Variants in SEC63 observed in about 807,000 individuals in gnomAD.
SEC63 encodes the protein translocation protein SEC63 homolog.
A neutral mutation model predicts 116.2 loss-of-function variants in SEC63; 56 were observed. The ratio of observed to expected loss-of-function variants is 0.48; its 90% CI spans 0.39 to 0.60. The LOEUF (loss-of-function observed/expected upper bound fraction) is 0.60, where lower values mean the gene tolerates loss of function less well. Among genes scored for constraint, SEC63 ranks in the 20% least tolerant of loss-of-function variants. SEC63 has a pLI of 0.00. For missense variants in SEC63, 668 were observed against 900.0 expected (o/e 0.74, Z 3.30); for synonymous variants, 273 against 294.6 (o/e 0.93, Z 0.75).
At chr6:107,918,182 G>C (rs1488684931) in intron 4 of SEC63, among the ~76,000 whole-genome samples, 3 of 151,668 alleles carry the variant, frequency 2.0e-5, no homozygotes, top group Non-Finnish European at 4.4e-5. Flanking sequence ...ACAAATCCTT[G>C]ATGACAGCAT....
rs928428454 is a variant in SEC63 at position 107,868,026 on chromosome 6, T to C, written c.*3678A>G. 6.6e-6 allele frequency: 1 copy of C among 152,176 alleles called. No individual in the cohort carries two copies. Among genetic ancestry groups the C allele is most frequent in the Admixed American group, 6.5e-5 (1 of 15,272 alleles). 9.4% of individuals were successfully genotyped at this position (152,176 alleles called of 1,614,324 possible). The stretch of plus-strand genomic sequence containing the variant: ...AAATATGTACAAGATCGCATCTTTT[T>C]AAGTTTTGCAAAATAGCCCTAGCAT... On this transcript the variant is annotated 3_prime_UTR_variant, in exon 21 of 21. Coordinates refer to ENST00000369002, the MANE Select transcript of SEC63 (RefSeq NM_007214.5).
intron 7 of SEC63, chr6:107,911,090 T>G (rs964680237): frequency 2.1e-6 from 1 of 481,642 alleles, no homozygotes; most frequent in Non-Finnish European, 3.7e-6. Flanking sequence ...ATTAAAAGTA[T>G]AGTTATATAA....
At chr6:107,889,849 A>G (rs994899190) in intron 16 of SEC63, among the ~76,000 whole-genome samples, 4 of 152,190 alleles carry the variant, frequency 2.6e-5, no homozygotes, top group Non-Finnish European at 5.9e-5. Flanking sequence ...CCCAGTAGTC[A>G]TTCAGGAGCA....
At chr6:107,914,680 A>T (rs1020998817) in intron 4 of SEC63, among the ~76,000 whole-genome samples, 1 of 152,150 alleles carries the variant, frequency 6.6e-6, no homozygotes, top group East Asian at 1.9e-4. Flanking sequence ...AAATTGAGGG[A>T]TGTTTCTCAA....
At chr6:107,883,424 A>G (rs192696014) in intron 16 of SEC63, 165 of 374,136 alleles carry the variant, frequency 4.4e-4, no homozygotes, top group Admixed American at 1.7e-3. Flanking sequence ...AAGCCCAATA[A>G]CACAAAGGCT....
Position 107,922,567 on chromosome 6 carries a change from C to T in SEC63, c.340-658G>A, listed in dbSNP as rs139006109. Reference sequence around the variant, plus strand: ...AATAATCACAATAAATTAAATCTGGCTCAAAGAATCCTCAAATCAAAGGTT... The same window carrying T: ...AATAATCACAATAAATTAAATCTGGTTCAAAGAATCCTCAAATCAAAGGTT... On this transcript the variant is annotated intron_variant, in intron 3 of 20. Coordinates refer to ENST00000369002, the MANE Select transcript of SEC63 (RefSeq NM_007214.5). Among the ~76,000 whole-genome samples, 756 of 152,158 alleles carry T rather than the reference C, an allele frequency of 5.0e-3. 3 individuals carry two copies. The highest frequency in any genetic ancestry group is 9.0e-3 in the Non-Finnish European group (611 of 67,988).
intron 14 of SEC63, 43 bp downstream of exon 14, chr6:107,897,606 A>T: frequency 7.8e-7 from 1 of 1,274,442 alleles, no homozygotes; most frequent in Non-Finnish European, 1.1e-6. Flanking sequence ...AAAAGCCTTG[A>T]CACACAACTC....
At chr6:107,941,285 C>T (rs1029497180) in intron 1 of SEC63, among the ~76,000 whole-genome samples, 7 of 151,970 alleles carry the variant, frequency 4.6e-5, no homozygotes, top group Non-Finnish European at 1.0e-4. Context: ...GACCTCATCA[C>T]TACAAAAAAA....
intron 19 of SEC63, among the ~76,000 whole-genome samples, chr6:107,874,899 C>T (rs1482635693): frequency 6.6e-6 from 1 of 152,148 alleles, no homozygotes; most frequent in African/African-American, 2.4e-5. Flanking sequence ...AAAACTGTAA[C>T]AGACATTAGT....
At chr6:107,880,161 T>C (rs1786379340) in intron 18 of SEC63, among the ~76,000 whole-genome samples, 1 of 152,250 alleles carries the variant, frequency 6.6e-6, no homozygotes, top group South Asian at 2.1e-4. Flanking sequence ...GATGGAATCC[T>C]GGGCAGACTT....
intron 7 of SEC63, 35 bp downstream of exon 7, chr6:107,911,311 C>CAA: frequency 6.9e-7 from 1 of 1,453,714 alleles, no homozygotes; most frequent in Non-Finnish European, 9.6e-7. Flanking sequence ...ATCTCCTTTC[C>CAA]AAAAAAAACA....
At chr6:107,899,545 G>A (rs988044586) in intron 13 of SEC63, among the ~76,000 whole-genome samples, 42 of 151,688 alleles carry the variant, frequency 2.8e-4, no homozygotes, top group African/African-American at 9.2e-4. Flanking sequence ...GTGAAACTCC[G>A]TCTCTACTAA....
At chr6:107,954,168 C>G (rs2114524626) in intron 1 of SEC63, among the ~76,000 whole-genome samples, 1 of 152,160 alleles carries the variant, frequency 6.6e-6, no homozygotes, top group Admixed American at 6.5e-5. Context: ...TGACCCTACC[C>G]CCAACCCTGT....
chr6:107,918,881 G>A (rs969300266), intron 4 of SEC63, among the ~76,000 whole-genome samples: 9 of 149,664 alleles, frequency 6.0e-5, no homozygotes, highest in African/African-American at 1.5e-4. Context: ...AACATCAAGA[G>A]GAGTTTGGTA....
chr6:107,916,315 G>A (rs947279365), intron 4 of SEC63, among the ~76,000 whole-genome samples: 31 of 152,310 alleles, frequency 2.0e-4, no homozygotes, highest in African/African-American at 7.0e-4. Context: ...CAACTGCTAC[G>A]CAGAAAATGT....
intron 1 of SEC63, among the ~76,000 whole-genome samples, chr6:107,948,371 G>A (rs903969745): frequency 1.3e-5 from 2 of 152,158 alleles, no homozygotes; most frequent in Non-Finnish European, 2.9e-5. Context: ...CCTCCTCTAG[G>A]ACGCAGTTTT....
intron 17 of SEC63, 45 bp downstream of exon 17, chr6:107,882,943 G>T (rs772318924): frequency 7.9e-7 from 1 of 1,272,086 alleles, no homozygotes; most frequent in South Asian, 1.2e-5. Flanking sequence ...TATCATCAGA[G>T]ATATAATTCC....
chr6:107,898,905 C>G (rs1786928829), intron 13 of SEC63, among the ~76,000 whole-genome samples: 1 of 152,220 alleles, frequency 6.6e-6, no homozygotes, highest in South Asian at 2.1e-4. Context: ...CTCCAATAAT[C>G]TGCAATTGCT....
At chr6:107,948,825 A>G (rs1770526524) in intron 1 of SEC63, among the ~76,000 whole-genome samples, 1 of 152,186 alleles carries the variant, frequency 6.6e-6, no homozygotes, top group Non-Finnish European at 1.5e-5. Flanking sequence ...GACCCTTCAC[A>G]AGATAATGTA....
Sources: gnomAD v4.1 joint callset for allele counts (sites outside exome capture counted in the v4.1 genomes callset) on GRCh38, gnomAD v4.1.1 for gene constraint, MANE v1.5 for transcripts, NCBI Gene and HGNC (gene_info 2026-07-23, HGNC 2026-07-21) for gene names.